EEA1: variants seen among roughly 807,000 people sequenced by gnomAD.
EEA1 encodes early endosome antigen 1.
A neutral mutation model predicts 209.2 loss-of-function variants in EEA1; 111 were observed. That is an observed-to-expected ratio of 0.53 (90% CI 0.45 to 0.62). EEA1 has a LOEUF of 0.62. Ranked by LOEUF, EEA1 falls within the 20% of genes least tolerant of loss-of-function variation. The pLI is 0.00. For synonymous variants in EEA1, 536 were observed against 540.6 expected, an observed-to-expected ratio of 0.99 and a Z score of 0.12; for missense variants, 1,343 against 1,530.8, an observed-to-expected ratio of 0.88 and a Z score of 2.05.
intron 2 of EEA1, among the ~76,000 whole-genome samples, chr12:92,877,532 T>C (rs1284721267): frequency 6.7e-6 from 1 of 150,090 alleles, no homozygotes; most frequent in Admixed American, 6.6e-5. Context: ...AAAATTAAAA[T>C]AATTTTTTTT....
chr12:92,783,657 G>A (rs1477341417), intron 22 of EEA1, among the ~76,000 whole-genome samples: 3 of 152,028 alleles, frequency 2.0e-5, no homozygotes, highest in Non-Finnish European at 4.4e-5. Context: ...TGGGGAAAGG[G>A]GAAGCTTTTT....
At chr12:92,879,435 C>A (rs1312936537) in intron 2 of EEA1, 2 of 392,676 alleles carry the variant, frequency 5.1e-6, no homozygotes, top group Non-Finnish European at 9.9e-6. Context: ...GATCAACATT[C>A]AAAAATCAAT....
intron 1 of EEA1, among the ~76,000 whole-genome samples, chr12:92,924,690 T>C (rs908641502): frequency 1.3e-5 from 2 of 152,034 alleles, no homozygotes; most frequent in Non-Finnish European, 2.9e-5. Context: ...CTAAATTACA[T>C]TATTTCTTTA....
intron 1 of EEA1, among the ~76,000 whole-genome samples, chr12:92,927,286 C>A (rs1030496756): frequency 6.6e-6 from 1 of 152,188 alleles, no homozygotes; most frequent in Admixed American, 6.5e-5. Flanking sequence ...CCTCCCACAA[C>A]GCAGAATTAT....
At chr12:92,804,577 A>C (rs929215829) in intron 18 of EEA1, among the ~76,000 whole-genome samples, 1 of 150,654 alleles carries the variant, frequency 6.6e-6, no homozygotes, top group Admixed American at 6.6e-5. Context: ...GTCTCAAAAA[A>C]AAAAAAAAAA....
chr12:92,828,914 C>A (rs1224395368), intron 11 of EEA1, among the ~76,000 whole-genome samples: 1 of 152,126 alleles, frequency 6.6e-6, no homozygotes, highest in Non-Finnish European at 1.5e-5. Context: ...TTCCTGATCA[C>A]ATAAATGGAT....
chr12:92,805,940 C>T (rs186002371), intron 18 of EEA1, among the ~76,000 whole-genome samples: 1 of 152,240 alleles, frequency 6.6e-6, no homozygotes, highest in African/African-American at 2.4e-5. Flanking sequence ...AAAAGATACC[C>T]TCTTTCAAGA....
chr12:92,858,162 GC>G (rs1877971266), intron 3 of EEA1: 1 of 632,362 alleles, frequency 1.6e-6, no homozygotes. Flanking sequence ...GTGGGGGAAG[GC>G]CCACCCAGAT....
chr12:92,852,357 T>G, intron 7 of EEA1, 61 bp from the exon 8 acceptor site: 1 of 1,209,332 alleles, frequency 8.3e-7, no homozygotes, highest in Middle Eastern at 2.8e-4. Flanking sequence ...TAAGTTTCCA[T>G]ATATTACTCT....
intron 5 of EEA1, among the ~76,000 whole-genome samples, chr12:92,854,866 AC>A (rs1306525718): frequency 6.6e-6 from 1 of 152,216 alleles, no homozygotes. Flanking sequence ...AAGTGACTAG[AC>A]TTTAATAATT....
chr12:92,862,247 G>A (rs1215527881), intron 3 of EEA1, among the ~76,000 whole-genome samples: 2 of 152,042 alleles, frequency 1.3e-5, no homozygotes, highest in African/African-American at 2.4e-5. Flanking sequence ...CGTAAGCAAT[G>A]AGAAGCCTGC....
At chr12:92,907,172 C>T (rs1880417222) in intron 1 of EEA1, among the ~76,000 whole-genome samples, 1 of 152,172 alleles carries the variant, frequency 6.6e-6, no homozygotes, top group African/African-American at 2.4e-5. Flanking sequence ...TAGCTTATCA[C>T]ATACTCTTTA....
At position 92,891,687 on chromosome 12, in the gene EEA1, A is replaced by G. The variant is rs1450105111; in HGVS notation, c.59T>C (p.Leu20Ser). The change falls in exon 2 of 29, where the codon TTA becomes TCA. Residue 20 changes from leucine (L) to serine (S), a missense_variant. Leu to Ser is a moderately radical substitution (Grantham distance 145). Around this residue, in one of 3 missense-constraint regions of EEA1, gnomAD observed 1,307 missense variants for 1,465.5 expected, o/e 0.89. Coordinates refer to ENST00000322349, the MANE Select transcript of EEA1 (RefSeq NM_003566.4). ...GTTTATAGGAGTTGCTGATGAATCT[A>G]AATCAGAACCTTGAGAGCCAACTCT... is the stretch of plus-strand genomic sequence containing the variant. ...PGRVGSQGSD[L>S]DSSATPINTV... 1 of 1,611,512 alleles carries G rather than the reference A, an allele frequency of 6.2e-7. No homozygotes were observed. Among genetic ancestry groups the G allele is most frequent in the Admixed American group, 1.7e-5 (1 of 59,806 alleles).
chr12:92,896,140 A>C (rs1377632784), intron 1 of EEA1, among the ~76,000 whole-genome samples: 1 of 151,760 alleles, frequency 6.6e-6, no homozygotes, highest in Non-Finnish European at 1.5e-5. Context: ...CGCCCAGCTA[A>C]TTTTTGTATT....
chr12:92,819,399 C>A lies in EEA1; in HGVS notation c.1637G>T (p.Arg546Ile). 2 of 1,612,826 alleles carry A rather than the reference C, an allele frequency of 1.2e-6. No individual in the cohort carries two copies. The highest frequency in any genetic ancestry group is 1.7e-6 in the Non-Finnish European group (2 of 1,179,362). Residue 546 changes from arginine (R) to isoleucine (I), a missense_variant, in exon 14 of 29, where the codon AGA becomes ATA. Arg to Ile is a moderately conservative substitution (Grantham distance 97). Coordinates refer to ENST00000322349, the MANE Select transcript of EEA1 (RefSeq NM_003566.4). ...KENISLLEKEREDLYAKIQAG... is the reference protein window; with the variant it reads ...KENISLLEKEIEDLYAKIQAG... ...CTGAATTTTTGCATAAAGATCTTCT[C>A]TTTCTTTTTCTAGTAATGAAATATT...
Position 92,778,001 on chromosome 12 carries a change from A to G in EEA1, c.3833T>C (p.Ile1278Thr), listed in dbSNP as rs762873559. ...CTGAACCGTTGCTTCTAATACTGCA[A>G]TTTCACCCCGTAAGTCATCCGTTTG... ...EKQTDDLRGE[I>T]AVLEATVQNN... is the part of the protein sequence containing the mutation. Residue 1278 changes from isoleucine (I) to threonine (T), a missense_variant, in exon 26 of 29, where the codon ATT becomes ACT. This residue lies in a region of EEA1 where 1,307 missense variants were observed against 1,465.5 expected (regional missense o/e 0.89). Coordinates refer to ENST00000322349, the MANE Select transcript of EEA1 (RefSeq NM_003566.4). 10 of 1,613,296 alleles carry G rather than the reference A, an allele frequency of 6.2e-6. No homozygotes were observed. In the South Asian group the frequency reaches 6.6e-5, roughly 11 times the overall value.
chr12:92,863,202 A>G (rs1241960512), intron 3 of EEA1, among the ~76,000 whole-genome samples: 3 of 152,252 alleles, frequency 2.0e-5, no homozygotes. Flanking sequence ...TACTCTACAG[A>G]GATGACTACA....
intron 2 of EEA1, among the ~76,000 whole-genome samples, chr12:92,890,173 GTTCTT>G (rs937158938): frequency 2.0e-5 from 3 of 151,986 alleles, no homozygotes; most frequent in African/African-American, 7.2e-5. Context: ...ATTTTTTGGT[GTTCTT>G]TTCTTATTTG....
chr12:92,921,876 A>C (rs1018794406), intron 1 of EEA1, among the ~76,000 whole-genome samples: 6 of 150,350 alleles, frequency 4.0e-5, no homozygotes, highest in African/African-American at 1.5e-4. Flanking sequence ...CAAAAAAAAA[A>C]AAAAAAAAAA....
Sources: allele counts gnomAD v4.1 joint callset (sites outside exome capture counted in the v4.1 genomes callset), GRCh38; gene constraint gnomAD v4.1.1; regional missense constraint gnomAD v4.1.1; transcripts MANE v1.5; gene names NCBI Gene and HGNC (gene_info 2026-07-23, HGNC 2026-07-21).